Variants in KLHL32 observed in about 807,000 individuals in gnomAD.
KLHL32 encodes kelch-like protein 32.
KLHL32 carries 35 observed loss-of-function variants against 64.8 expected under a neutral mutation model. The ratio of observed to expected loss-of-function variants is 0.54; its 90% CI spans 0.41 to 0.72. The LOEUF (loss-of-function observed/expected upper bound fraction) is 0.72. KLHL32 is among the 30% of genes least tolerant of loss of function. KLHL32 has a pLI of 0.00. For synonymous variants in KLHL32, 259 were observed against 281.0 expected (o/e 0.92, Z 0.78); for missense variants, 589 against 768.5 (o/e 0.77, Z 2.76).
chr6:97,092,240 C>T (rs551404704), intron 6 of KLHL32, among the ~76,000 whole-genome samples: 14 of 152,300 alleles, frequency 9.2e-5, no homozygotes, highest in South Asian at 2.1e-4. Flanking sequence ...CCACCTGCCT[C>T]GGCCTCCCAA....
intron 1 of KLHL32, among the ~76,000 whole-genome samples, chr6:96,949,335 G>A (rs1772296785): frequency 6.6e-6 from 1 of 151,496 alleles, no homozygotes; most frequent in Non-Finnish European, 1.5e-5. Flanking sequence ...TAGTTAGTCA[G>A]TTTTCTCTTC....
At chr6:96,907,268 T>C in the KLHL32 span, among the ~76,000 whole-genome samples, 1 of 152,236 alleles carries the variant, frequency 6.6e-6, no homozygotes, top group Non-Finnish European at 1.5e-5. Flanking sequence ...TACCAATTTA[T>C]GGCAAATCTA....
At chr6:97,138,636 C>G (rs1800335605) in intron 10 of KLHL32, among the ~76,000 whole-genome samples, 1 of 152,120 alleles carries the variant, frequency 6.6e-6, no homozygotes, top group Non-Finnish European at 1.5e-5. Context: ...CTTCCAGAAT[C>G]GACTGAATTT....
chr6:97,138,902 G>A (rs752481851), intron 10 of KLHL32, among the ~76,000 whole-genome samples: 1 of 152,166 alleles, frequency 6.6e-6, no homozygotes, highest in African/African-American at 2.4e-5. Context: ...AAATATACAT[G>A]TATGTATATA....
the KLHL32 span, among the ~76,000 whole-genome samples, chr6:96,907,573 A>G: frequency 6.6e-6 from 1 of 152,284 alleles, no homozygotes; most frequent in African/African-American, 2.4e-5. Context: ...AGCTCTTGAA[A>G]CTATGTTTCA....
intron 3 of KLHL32, among the ~76,000 whole-genome samples, chr6:97,024,614 G>A (rs934631986): frequency 6.6e-6 from 1 of 152,086 alleles, no homozygotes; most frequent in African/African-American, 2.4e-5. Context: ...CAATGCCAGA[G>A]AAATTGTTAA....
At chr6:96,973,176 G>C (rs915170560) in intron 2 of KLHL32, among the ~76,000 whole-genome samples, 4 of 152,158 alleles carry the variant, frequency 2.6e-5, no homozygotes, top group Non-Finnish European at 4.4e-5. Flanking sequence ...AAGCCCAGCT[G>C]AATGATCCTG....
At chr6:97,070,476 G>A (rs751873761) in intron 5 of KLHL32, among the ~76,000 whole-genome samples, 2 of 152,086 alleles carry the variant, frequency 1.3e-5, no homozygotes, top group Non-Finnish European at 2.9e-5. Context: ...ATGCTATTAT[G>A]TTGGCTTTTA....
intron 3 of KLHL32, among the ~76,000 whole-genome samples, chr6:96,992,309 G>C (rs1777976264): frequency 6.6e-6 from 1 of 152,226 alleles, no homozygotes; most frequent in Non-Finnish European, 1.5e-5. Flanking sequence ...CCGTTTCCTG[G>C]CTGTGGGGGG....
chr6:96,940,630 A>G (rs7758073), intron 1 of KLHL32, among the ~76,000 whole-genome samples: 48,673 of 152,028 alleles, frequency 0.32, 8,113 homozygotes, highest in African/African-American at 0.4. Flanking sequence ...GCCCTGCTTA[A>G]GCAGCCCCAA....
chr6:96,963,993 G>C (rs1203778651), intron 1 of KLHL32, among the ~76,000 whole-genome samples: 1 of 152,188 alleles, frequency 6.6e-6, no homozygotes, highest in Non-Finnish European at 1.5e-5. Flanking sequence ...CACCTCATTT[G>C]CTTCCAGCCC....
At chr6:97,042,460 C>T (rs767696616) in intron 4 of KLHL32, among the ~76,000 whole-genome samples, 6 of 152,080 alleles carry the variant, frequency 3.9e-5, no homozygotes, top group African/African-American at 7.2e-5. Flanking sequence ...TGTGTGGGAG[C>T]TCATTTTTCT....
chr6:97,071,006 G>A (rs1277544509), intron 5 of KLHL32, among the ~76,000 whole-genome samples: 1 of 152,104 alleles, frequency 6.6e-6, no homozygotes, highest in Non-Finnish European at 1.5e-5. Context: ...TATTCCATCA[G>A]TTACGCCCTG....
chr6:96,954,399 GA>G lies in KLHL32; in HGVS notation c.-65-12589del, dbSNP rs113275571. Among the ~76,000 whole-genome samples, 179 of 134,870 alleles carry G rather than the reference GA, an allele frequency of 1.3e-3. 1 individual carries two copies. The highest frequency in any genetic ancestry group is 4.6e-3 in the African/African-American group (166 of 35,768). 88.5% of individuals were successfully genotyped at this position (134,870 alleles called of 152,430 possible). ...CTTAGATATTCACTCATATTAAAGAGAAAAAAAACTGGCTGGAAGCTCTGAG... is the reference window on the plus strand; with the variant it reads ...CTTAGATATTCACTCATATTAAAGAGAAAAAAACTGGCTGGAAGCTCTGAG... On this transcript the variant is annotated intron_variant, in intron 1 of 10. Transcript: ENST00000369261.
chr6:97,089,817 A>T (rs1582990169), intron 6 of KLHL32, among the ~76,000 whole-genome samples: 1 of 151,520 alleles, frequency 6.6e-6, no homozygotes, highest in African/African-American at 2.4e-5. Context: ...TTCTTACTTC[A>T]TTAACCTGGG....
the KLHL32 span, among the ~76,000 whole-genome samples, chr6:96,914,280 T>C: frequency 1.3e-5 from 2 of 152,134 alleles, no homozygotes; most frequent in Non-Finnish European, 2.9e-5. Context: ...GTATTTGTCT[T>C]GTTTCAAGCC....
chr6:97,086,564 G>A (rs1044833872), intron 6 of KLHL32, among the ~76,000 whole-genome samples: 9 of 152,288 alleles, frequency 5.9e-5, no homozygotes, highest in African/African-American at 1.7e-4. Flanking sequence ...GAGTCACAGA[G>A]CAGAGCCAGC....
At chr6:96,979,989 C>T (rs1486354822) in intron 3 of KLHL32, among the ~76,000 whole-genome samples, 1 of 81,352 alleles carries the variant, frequency 1.2e-5, no homozygotes, top group Non-Finnish European at 2.3e-5. Context: ...AGAAATGCTA[C>T]TGATATTCGT....
At chr6:96,929,606 G>A (rs982597517) in intron 1 of KLHL32, among the ~76,000 whole-genome samples, 2 of 152,058 alleles carry the variant, frequency 1.3e-5, no homozygotes, top group African/African-American at 4.8e-5. Context: ...TTCATTCCCA[G>A]GCCCTTCTTG....
Sources: allele counts gnomAD v4.1 joint callset (sites outside exome capture counted in the v4.1 genomes callset), GRCh38; gene constraint gnomAD v4.1.1; transcripts MANE v1.5; gene names NCBI Gene and HGNC (gene_info 2026-07-23, HGNC 2026-07-21).